Variants in RPL28 observed in about 807,000 individuals in gnomAD.
The protein encoded by RPL28 is ribosomal protein L28.
In RPL28, 4 loss-of-function variants were observed where a neutral mutation model predicts 12.5. That is an observed-to-expected ratio of 0.32 (90% CI 0.16 to 0.73). RPL28 has a LOEUF of 0.73. Among genes scored for constraint, RPL28 ranks in the 30% least tolerant of loss-of-function variants. The pLI is 0.66. For synonymous variants in RPL28, 91 were observed against 72.5 expected, an observed-to-expected ratio of 1.26 and a Z score of -1.30; for missense variants, 214 against 197.7, an observed-to-expected ratio of 1.08 and a Z score of -0.49.
Position 55,386,678 on chromosome 19 carries a change from A to C in RPL28, c.190A>C (p.Ile64Leu), listed in dbSNP as rs141134492. The change falls in exon 3 of 5, where the codon ATT becomes CTT. Residue 64 changes from isoleucine (I) to leucine (L), a missense_variant. Coordinates refer to ENST00000344063, the MANE Select transcript of RPL28 (RefSeq NM_000991.5). ...CGACGGCAAAGGTGTCGTGGTGGTC[A>C]TTAAGCGGAGATCCGGTGAGTTTTG... ...AADGKGVVVVIKRRSGQRKPA... is the reference protein window; with the variant it reads ...AADGKGVVVVLKRRSGQRKPA... 2,050 of 1,614,158 alleles carry C rather than the reference A, an allele frequency of 1.3e-3. 6 individuals are homozygous for C. Among genetic ancestry groups the C allele is most frequent in the Non-Finnish European group, 1.1e-3 (1,280 of 1,180,016 alleles).
At chr19:55,402,153 G>A (rs1238416131) in intron 4 of RPL28, among the ~76,000 whole-genome samples, 4 of 152,180 alleles carry the variant, frequency 2.6e-5, no homozygotes, top group African/African-American at 9.7e-5. Flanking sequence ...TGACCTTAGA[G>A]GCCCTCTGGT....
intron 4 of RPL28, among the ~76,000 whole-genome samples, chr19:55,399,324 G>A (rs2090041286): frequency 2.0e-5 from 3 of 152,128 alleles, no homozygotes; most frequent in Admixed American, 6.5e-5. Context: ...GCACCACCAC[G>A]TCCAGCTAAT....
exon 5 of RPL28, chr19:55,403,115 GCACCCCCGAGTT>G: frequency 9.2e-6 from 8 of 872,166 alleles, no homozygotes; most frequent in Non-Finnish European, 1.5e-5. Flanking sequence ...GATGCTAGTG[GCACCCCCGAGTT>G]GTGACAACCC....
intron 4 of RPL28, among the ~76,000 whole-genome samples, chr19:55,402,278 A>G (rs2090065540): frequency 6.6e-6 from 1 of 152,250 alleles, no homozygotes; most frequent in South Asian, 2.1e-4. Flanking sequence ...TTCCAGATAC[A>G]GCATAAATCC....
downstream of RPL28, among the ~76,000 whole-genome samples, chr19:55,395,193 G>A (rs1440499495): frequency 1.3e-5 from 2 of 152,040 alleles, no homozygotes; most frequent in East Asian, 3.9e-4. Context: ...CTGGAGTACA[G>A]TGGTGCGATC....
downstream of RPL28, among the ~76,000 whole-genome samples, chr19:55,394,893 T>C (rs2090012147): frequency 6.6e-6 from 1 of 152,010 alleles, no homozygotes; most frequent in South Asian, 2.1e-4. Context: ...AAGCTTATGT[T>C]TTGGGCCAAT....
In RPL28 at chr19:55,389,487, AC is replaced by A. The variant is rs2089968923; in HGVS notation, c.*1158del. 2.0e-6 allele frequency: 2 copies of A among 985,380 alleles called. No homozygotes were observed. The highest frequency in any genetic ancestry group is 3.5e-5 in the African/African-American group (2 of 57,328). 61.0% of individuals were successfully genotyped at this position (985,380 alleles called of 1,614,324 possible). A position where few individuals can be genotyped will look rare whatever the true frequency, so the allele number is the denominator to read the frequency against. On this transcript the variant is annotated 3_prime_UTR_variant, in exon 5 of 5. Coordinates refer to ENST00000344063, the MANE Select transcript of RPL28 (RefSeq NM_000991.5). ...CCCCTGGTTCCTGCCATCCTGGGGT[AC>A]CCGATTCAAAGAAGGACTCTGCTCC...
rs369855760 is a variant in RPL28 at position 55,386,458 on chromosome 19, G to C, written c.81+20G>C. On this transcript the variant is annotated intron_variant, in intron 2 of 4. Coordinates refer to ENST00000344063, the MANE Select transcript of RPL28 (RefSeq NM_000991.5). ...AGCACTGTAAGTGGGGCCCGGATGC[G>C]TGGCTCCTGCGGGAGGAGGGTCCTG... The C allele has an allele frequency of 6.2e-7, 1 of 1,612,912 alleles. No individual in the cohort carries two copies. The highest frequency in any genetic ancestry group is 1.1e-5 in the South Asian group (1 of 91,062).
At position 55,388,270 on chromosome 19, in the gene RPL28, C is replaced by A; in HGVS notation, c.352C>A (p.Leu118Met). 6.3e-7 allele frequency: 1 copy of A among 1,580,138 alleles called. No individual in the cohort carries two copies. Among genetic ancestry groups the A allele is most frequent in the South Asian group, 1.1e-5 (1 of 87,026 alleles). The change falls in exon 5 of 5, where the codon CTG becomes ATG. Residue 118 changes from leucine (L) to methionine (M), a missense_variant. Physicochemically the swap from Leu to Met is conservative, Grantham distance 15. Transcript: ENST00000344063. ...AGCCATCCGCAGGGCCAGCGCCATC[C>A]TGCGCAGCCAGAAGCCTGTGATGGT... Reference protein sequence around the residue: ...MAAIRRASAILRSQKPVMVKR... With the variant: ...MAAIRRASAIMRSQKPVMVKR...
Position 55,388,631 on chromosome 19 carries a change from C to G in RPL28, c.*299C>G. The G allele has an allele frequency of 8.3e-7, 1 of 1,198,218 alleles. No homozygotes were observed. Among genetic ancestry groups the G allele is most frequent in the Non-Finnish European group, 1.0e-6 (1 of 966,504 alleles). The allele number at this position is 1,198,218 out of a possible 1,614,324, so 74.2% of individuals were successfully genotyped here. On this transcript the variant is annotated 3_prime_UTR_variant, in exon 5 of 5. Transcript: ENST00000344063. ...TGTGAGGTGGCCTGAAGAATCCCAG[C>G]TGGGGCAGTGGCTTCCATTCAGAAG...
chr19:55,401,138 A>G (rs1427709740), intron 4 of RPL28: 1 of 467,442 alleles, frequency 2.1e-6, no homozygotes, highest in Non-Finnish European at 3.8e-6. Flanking sequence ...CCCAAACCTC[A>G]AACAGCAAGG....
downstream of RPL28, among the ~76,000 whole-genome samples, chr19:55,396,938 G>A (rs2090028648): frequency 6.6e-6 from 1 of 151,320 alleles, no homozygotes; most frequent in Non-Finnish European, 1.5e-5. Context: ...AGAGTGCAGT[G>A]GCACAATCTT....
rs1202423684 is a variant in RPL28 at position 55,391,860 on chromosome 19, C to T, written c.*3528C>T. ...AACTAATGCTCGTGTTTCCCAAGCA[C>T]CTGGAAGACATGCCAGATCCATGTG... On this transcript the variant is annotated 3_prime_UTR_variant, in exon 5 of 5. Coordinates refer to ENST00000344063, the MANE Select transcript of RPL28 (RefSeq NM_000991.5). 6 of 1,388,270 alleles carry T rather than the reference C, an allele frequency of 4.3e-6. No homozygotes were observed. The highest frequency in any genetic ancestry group is 5.6e-6 in the Non-Finnish European group (6 of 1,063,288). The allele number at this position is 1,388,270 out of a possible 1,614,324, so 86.0% of individuals were successfully genotyped here. A position where few individuals can be genotyped will look rare whatever the true frequency, so the allele number is the denominator to read the frequency against.
At chr19:55,387,606 C>T (rs2089945126) in intron 3 of RPL28, 3 of 1,399,330 alleles carry the variant, frequency 2.1e-6, no homozygotes, top group Admixed American at 6.3e-5. Flanking sequence ...TGTTCATACC[C>T]ATTGCCAGGA....
intron 4 of RPL28, chr19:55,401,777 T>C: frequency 6.2e-7 from 1 of 1,612,898 alleles, no homozygotes; most frequent in Non-Finnish European, 8.5e-7. Context: ...GGGAAGAGGC[T>C]CAGGGTCACA....
chr19:55,395,597 C>G (rs1452148702), downstream of RPL28, among the ~76,000 whole-genome samples: 2 of 152,006 alleles, frequency 1.3e-5, no homozygotes, highest in South Asian at 4.2e-4. Context: ...GCGCCCACCA[C>G]CACACCCGGC....
rs994018257 is a variant in RPL28, at chr19:55,389,981, T to C, written c.*1649T>C. 11 of 985,376 alleles carry C rather than the reference T, an allele frequency of 1.1e-5. 1 individual carries two copies. The South Asian group carries it at 5.2e-4, about 46-fold the overall frequency. The allele number at this position is 985,376 out of a possible 1,614,324, so 61.0% of individuals were successfully genotyped here. On this transcript the variant is annotated 3_prime_UTR_variant, in exon 5 of 5. Coordinates refer to ENST00000344063, the MANE Select transcript of RPL28 (RefSeq NM_000991.5). Reference sequence around the variant, plus strand: ...CGCCTTCATAAGGAGAGCTCACTGCTCACGTTAGTAGATGGCCCCTTCTCG... The same window carrying C: ...CGCCTTCATAAGGAGAGCTCACTGCCCACGTTAGTAGATGGCCCCTTCTCG...
At chr19:55,403,267 G>A (rs1034010119), downstream of RPL28, 39 of 573,862 alleles carry the variant, frequency 6.8e-5, no homozygotes, top group South Asian at 5.5e-4. Context: ...TGAGTTTTAC[G>A]GCATGTAAGC....
intron 4 of RPL28, 84 bp from the exon 5 acceptor site, chr19:55,388,159 G>A (rs775824623): frequency 5.8e-6 from 9 of 1,556,498 alleles, no homozygotes; most frequent in Non-Finnish European, 7.0e-6. Flanking sequence ...CTTGCTTTCA[G>A]CCTACTCCCC....
Sources: allele counts gnomAD v4.1 joint callset (sites outside exome capture counted in the v4.1 genomes callset), GRCh38; gene constraint gnomAD v4.1.1; transcripts MANE v1.5; gene names NCBI Gene and HGNC (gene_info 2026-07-23, HGNC 2026-07-21).